The following DLG2 variants were observed in gnomAD, a reference collection of about 807,000 sequenced individuals.
DLG2 encodes disks large homolog 2.
In DLG2, 45 loss-of-function variants were observed where a neutral mutation model predicts 132.5. The observed-to-expected ratio is 0.34, with a 90% CI of 0.27 to 0.44. The LOEUF (loss-of-function observed/expected upper bound fraction) is 0.44. Among genes scored for constraint, DLG2 ranks in the 20% least tolerant of loss-of-function variants. DLG2 has a pLI of 1.00. For synonymous variants in DLG2, 424 were observed against 419.6 expected, an observed-to-expected ratio of 1.01 and a Z score of -0.13; for missense variants, 1,045 against 1,196.9, an observed-to-expected ratio of 0.87 and a Z score of 1.87.
intron 4 of DLG2, among the ~76,000 whole-genome samples, chr11:85,228,142 G>T (rs1358243176): frequency 6.6e-6 from 1 of 151,808 alleles, no homozygotes; most frequent in Non-Finnish European, 1.5e-5. Context: ...TATCTCCTAG[G>T]AGTTCAATTC....
At chr11:84,709,902 T>G (rs181008712) in intron 6 of DLG2, among the ~76,000 whole-genome samples, 10 of 151,998 alleles carry the variant, frequency 6.6e-5, no homozygotes, top group Admixed American at 6.6e-4. Context: ...AAACTGAGAT[T>G]TACTCTGACT....
intron 11 of DLG2, among the ~76,000 whole-genome samples, chr11:84,025,898 A>T (rs2095523702): frequency 6.6e-6 from 1 of 152,126 alleles, no homozygotes; most frequent in Non-Finnish European, 1.5e-5. Flanking sequence ...TATTGACAAC[A>T]TGTTTCCAAG....
intron 7 of DLG2, among the ~76,000 whole-genome samples, chr11:84,312,423 G>A (rs555743786): frequency 1.4e-4 from 21 of 152,308 alleles, no homozygotes; most frequent in African/African-American, 4.6e-4. Context: ...AGGTTGAAGT[G>A]AAATGAGGTG....
intron 4 of DLG2, among the ~76,000 whole-genome samples, chr11:85,220,809 ACTT>A (rs1439862186): frequency 6.6e-6 from 1 of 151,750 alleles, no homozygotes; most frequent in Admixed American, 6.6e-5. Context: ...GATAAGTTAT[ACTT>A]CTCATGTTAA....
intron 9 of DLG2, among the ~76,000 whole-genome samples, chr11:84,109,389 G>A (rs1419118862): frequency 6.6e-6 from 1 of 152,198 alleles, no homozygotes; most frequent in Admixed American, 6.5e-5. Context: ...TATGACAAAT[G>A]TGATGCTTTA....
At chr11:84,566,228 G>A (rs1565319172) in intron 6 of DLG2, among the ~76,000 whole-genome samples, 1 of 152,014 alleles carries the variant, frequency 6.6e-6, no homozygotes, top group Admixed American at 6.6e-5. Context: ...ATCCCAAAGT[G>A]CTGAGATTAC....
intron 7 of DLG2, among the ~76,000 whole-genome samples, chr11:84,469,671 C>A (rs1011763319): frequency 6.6e-6 from 1 of 151,346 alleles, no homozygotes; most frequent in African/African-American, 2.4e-5. Flanking sequence ...TAATTATAGA[C>A]AAAATAGATA....
In DLG2 at chr11:85,383,184, G is replaced by A. The variant is rs183392694; in HGVS notation, c.41-97819C>T. Among the ~76,000 whole-genome samples the A allele has an allele frequency of 7.2e-4, 110 of 152,218 alleles. 1 individual carries two copies. The highest frequency in any genetic ancestry group is 2.4e-3 in the Admixed American group (36 of 15,294). On this transcript the variant is annotated intron_variant, in intron 3 of 27. Transcript: ENST00000376104. Reference sequence around the variant, plus strand: ...TAAGTACTAATGTCTACTAAAACATGGATGACCTTGAAAACTTTAAGTGAG... The same window carrying A: ...TAAGTACTAATGTCTACTAAAACATAGATGACCTTGAAAACTTTAAGTGAG...
chr11:85,014,034 A>C (rs766642978), intron 6 of DLG2, among the ~76,000 whole-genome samples: 2 of 152,174 alleles, frequency 1.3e-5, no homozygotes, highest in Non-Finnish European at 2.9e-5. Context: ...TTCTCCTCAA[A>C]AGAGAGGACT....
At chr11:85,170,343 A>G (rs2078762209) in intron 4 of DLG2, among the ~76,000 whole-genome samples, 2 of 152,154 alleles carry the variant, frequency 1.3e-5, no homozygotes, top group South Asian at 4.1e-4. Flanking sequence ...TTGCCTCGTA[A>G]GAACCTTTAG....
At chr11:84,823,164 T>G (rs1372490951) in intron 6 of DLG2, among the ~76,000 whole-genome samples, 7 of 151,810 alleles carry the variant, frequency 4.6e-5, no homozygotes, top group African/African-American at 1.7e-4. Context: ...GAGGAAGGAA[T>G]AAACAAATTA....
intron 6 of DLG2, among the ~76,000 whole-genome samples, chr11:84,927,986 G>T (rs1235302025): frequency 6.6e-6 from 1 of 151,908 alleles, no homozygotes; most frequent in East Asian, 1.9e-4. Context: ...TAAGGTTTGA[G>T]AATCACTGCT....
intron 4 of DLG2, among the ~76,000 whole-genome samples, chr11:85,187,088 A>T (rs2080164305): frequency 6.6e-6 from 1 of 152,158 alleles, no homozygotes; most frequent in African/African-American, 2.4e-5. Flanking sequence ...TATACTGAAC[A>T]TTGTAATATC....
intron 7 of DLG2, among the ~76,000 whole-genome samples, chr11:84,354,467 T>A (rs911510520): frequency 1.3e-5 from 2 of 152,178 alleles, no homozygotes; most frequent in Non-Finnish European, 2.9e-5. Context: ...TGCACCTTTT[T>A]TTCTCAAAAC....
At chr11:84,893,157 T>C (rs998200096) in intron 6 of DLG2, among the ~76,000 whole-genome samples, 1 of 152,158 alleles carries the variant, frequency 6.6e-6, no homozygotes, top group African/African-American at 2.4e-5. Context: ...TCACATACTT[T>C]AGAAGGTCTC....
intron 3 of DLG2, among the ~76,000 whole-genome samples, chr11:85,316,662 G>A (rs948438838): frequency 6.6e-6 from 1 of 151,882 alleles, no homozygotes; most frequent in African/African-American, 2.4e-5. Context: ...TATTTGAAGA[G>A]AGTGACCAGG....
At chr11:83,713,104 A>G (rs1342897900) in intron 18 of DLG2, among the ~76,000 whole-genome samples, 1 of 152,222 alleles carries the variant, frequency 6.6e-6, no homozygotes, top group Non-Finnish European at 1.5e-5. Flanking sequence ...TTAGTTACAC[A>G]GTGCTTTCAC....
intron 15 of DLG2, among the ~76,000 whole-genome samples, chr11:83,906,099 A>G (rs2074733339): frequency 1.3e-5 from 1 of 75,708 alleles, no homozygotes; most frequent in Non-Finnish European, 2.5e-5. Context: ...ATATATATAT[A>G]TATATACATA....
intron 5 of DLG2, among the ~76,000 whole-genome samples, chr11:85,145,315 G>A (rs1319982205): frequency 6.6e-6 from 1 of 152,004 alleles, no homozygotes; most frequent in Non-Finnish European, 1.5e-5. Context: ...GTCTTATGTG[G>A]ATTAAATCTG....
Sources: allele counts gnomAD v4.1 joint callset (sites outside exome capture counted in the v4.1 genomes callset), GRCh38; gene constraint gnomAD v4.1.1; transcripts MANE v1.5; gene names NCBI Gene and HGNC (gene_info 2026-07-23, HGNC 2026-07-21).